Variants in THRB observed in about 807,000 individuals in gnomAD.
The protein encoded by THRB is thyroid hormone receptor beta, also known as nuclear receptor subfamily 1 group A member 2.
In THRB, 12 loss-of-function variants were observed where a neutral mutation model predicts 47.8. That is an observed-to-expected ratio of 0.25 (90% CI 0.16 to 0.41). THRB has a LOEUF of 0.41. THRB is among the 10% of genes least tolerant of loss of function. The pLI, the probability that THRB is intolerant of heterozygous loss-of-function variation, is 1.00. For missense variants in THRB, 348 were observed against 589.2 expected, an observed-to-expected ratio of 0.59 and a Z score of 4.24; for synonymous variants, 218 against 212.2, an observed-to-expected ratio of 1.03 and a Z score of -0.24.
At chr3:24,401,336 T>C (rs1293964137) in intron 1 of THRB, among the ~76,000 whole-genome samples, 3 of 152,116 alleles carry the variant, frequency 2.0e-5, no homozygotes, top group African/African-American at 7.2e-5. Flanking sequence ...AGGTCTGGCA[T>C]GTTTTTAAAG....
intron 1 of THRB, among the ~76,000 whole-genome samples, chr3:24,374,264 T>C (rs1162541017): frequency 2.6e-5 from 4 of 152,116 alleles, no homozygotes; most frequent in African/African-American, 9.7e-5. Context: ...TACTAAATAT[T>C]GTCAGAGACA....
chr3:24,374,893 C>G (rs1466930751), intron 1 of THRB, among the ~76,000 whole-genome samples: 1 of 152,100 alleles, frequency 6.6e-6, no homozygotes, highest in Admixed American at 6.6e-5. Context: ...AAATATTCCT[C>G]TCTATTACTC....
chr3:24,230,614 C>A (rs1379130101), intron 3 of THRB, among the ~76,000 whole-genome samples: 2 of 152,122 alleles, frequency 1.3e-5, no homozygotes, highest in Non-Finnish European at 2.9e-5. Flanking sequence ...ACAGGTCGTA[C>A]CTACAGTATT....
intron 1 of THRB, among the ~76,000 whole-genome samples, chr3:24,464,686 A>T (rs2125691439): frequency 6.6e-6 from 1 of 152,196 alleles, no homozygotes; most frequent in African/African-American, 2.4e-5. Context: ...TGTTGATCAC[A>T]CTTTTTTTGT....
Position 24,126,453 on chromosome 3 carries a change from T to A in THRB, c.1144+1046A>T, listed in dbSNP as rs192670405. Among the ~76,000 whole-genome samples, 791 of 152,302 alleles carry A rather than the reference T, an allele frequency of 5.2e-3. 4 individuals are homozygous for A. The highest frequency in any genetic ancestry group is 8.1e-3 in the Non-Finnish European group (548 of 68,012). On this transcript the variant is annotated intron_variant, in intron 10 of 10. Coordinates refer to ENST00000646209, the MANE Select transcript of THRB (RefSeq NM_001354712.2). ...CTCTACAAAGAATTCTCGATGTACT[T>A]GTGACCGATATTTTATCCACATATT... is the stretch of plus-strand genomic sequence containing the variant.
At chr3:24,185,614 TTTTC>T (rs1428878270) in intron 5 of THRB, among the ~76,000 whole-genome samples, 1 of 152,152 alleles carries the variant, frequency 6.6e-6, no homozygotes, top group Non-Finnish European at 1.5e-5. Flanking sequence ...CTGCTCTCCT[TTTTC>T]TGAGTCCACC....
chr3:24,436,598 C>T (rs1040191946), intron 1 of THRB, among the ~76,000 whole-genome samples: 9 of 152,076 alleles, frequency 5.9e-5, no homozygotes, highest in Non-Finnish European at 1.2e-4. Context: ...TGAGCCTGAC[C>T]GTCGAAAATA....
chr3:24,466,224 A>G (rs2074143573), intron 1 of THRB, among the ~76,000 whole-genome samples: 1 of 151,810 alleles, frequency 6.6e-6, no homozygotes, highest in South Asian at 2.1e-4. Flanking sequence ...CTGCTGCCAA[A>G]ACTAGTCATT....
chr3:24,429,761 G>A (rs536283856), intron 1 of THRB, among the ~76,000 whole-genome samples: 3 of 152,000 alleles, frequency 2.0e-5, no homozygotes, highest in Admixed American at 6.6e-5. Context: ...CTCCTGCCTC[G>A]GCCTTCCAAA....
intron 3 of THRB, among the ~76,000 whole-genome samples, chr3:24,232,750 G>C (rs10510541): frequency 0.045 from 6,896 of 152,264 alleles, 225 homozygotes; most frequent in South Asian, 0.17. Flanking sequence ...AGAGAAAAAG[G>C]TGCTGGAACT....
At chr3:24,154,006 A>G (rs2037419223) in intron 5 of THRB, among the ~76,000 whole-genome samples, 1 of 152,238 alleles carries the variant, frequency 6.6e-6, no homozygotes, top group Non-Finnish European at 1.5e-5. Context: ...AAAGCCATTA[A>G]GGAAACAGAA....
At chr3:24,357,362 A>AC (rs2063748317) in intron 1 of THRB, among the ~76,000 whole-genome samples, 11 of 143,344 alleles carry the variant, frequency 7.7e-5, no homozygotes, top group Admixed American at 4.8e-4. Context: ...AAAAAAAAAA[A>AC]AAAAAAAAAA....
At chr3:24,452,348 C>T (rs1210565783) in intron 1 of THRB, among the ~76,000 whole-genome samples, 1 of 152,116 alleles carries the variant, frequency 6.6e-6, no homozygotes, top group Non-Finnish European at 1.5e-5. Context: ...ACTTCCCTCA[C>T]CCTAGTCCTA....
At chr3:24,261,325 A>G (rs990935710) in intron 3 of THRB, among the ~76,000 whole-genome samples, 2 of 151,868 alleles carry the variant, frequency 1.3e-5, no homozygotes, top group Non-Finnish European at 2.9e-5. Flanking sequence ...ACATGGTGAA[A>G]CCCCGTCTAC....
intron 1 of THRB, among the ~76,000 whole-genome samples, chr3:24,468,386 C>G (rs747652726): frequency 4.6e-5 from 7 of 152,190 alleles, no homozygotes; most frequent in Non-Finnish European, 8.8e-5. Context: ...TACAATTTGG[C>G]TGTTTGGCAC....
At chr3:24,157,839 A>G (rs1352264265) in intron 5 of THRB, among the ~76,000 whole-genome samples, 1 of 152,164 alleles carries the variant, frequency 6.6e-6, no homozygotes, top group Non-Finnish European at 1.5e-5. Flanking sequence ...CCTATTTTTT[A>G]ATTTTTAGGG....
At chr3:24,248,353 C>G (rs1293763956) in intron 3 of THRB, among the ~76,000 whole-genome samples, 2 of 152,020 alleles carry the variant, frequency 1.3e-5, no homozygotes, top group Non-Finnish European at 2.9e-5. Flanking sequence ...ACTCTTTTCT[C>G]GAAAAGCCAA....
chr3:24,408,818 GA>G (rs572553979), intron 1 of THRB, among the ~76,000 whole-genome samples: 267 of 150,890 alleles, frequency 1.8e-3, no homozygotes, highest in African/African-American at 5.3e-3. Flanking sequence ...CATTACAGAA[GA>G]AAAAAAATCC....
intron 2 of THRB, among the ~76,000 whole-genome samples, chr3:24,333,136 C>T (rs2062029991): frequency 6.6e-6 from 1 of 151,900 alleles, no homozygotes; most frequent in Non-Finnish European, 1.5e-5. Context: ...AACCTGAAAC[C>T]CGGATATATT....
Sources: allele counts gnomAD v4.1 joint callset (sites outside exome capture counted in the v4.1 genomes callset), GRCh38; gene constraint gnomAD v4.1.1; transcripts MANE v1.5; gene names NCBI Gene and HGNC (gene_info 2026-07-23, HGNC 2026-07-21).